KIF17: variants seen among roughly 807,000 people sequenced by gnomAD.
KIF17 encodes the protein kinesin-like protein KIF17.
KIF17 carries 80 observed loss-of-function variants against 96.8 expected under a neutral mutation model. The ratio of observed to expected loss-of-function variants is 0.83; its 90% CI spans 0.69 to 1.00. The LOEUF is 1.00. Among genes scored for constraint, KIF17 ranks in the 50% least tolerant of loss-of-function variants. The pLI is 0.00. For missense variants in KIF17, 1,280 were observed against 1,372.9 expected (o/e 0.93, Z 1.07); for synonymous variants, 567 against 587.5 (o/e 0.97, Z 0.51).
At position 20,687,095 on chromosome 1, in the gene KIF17, G is replaced by A. The variant is rs1189382175; in HGVS notation, c.1938+293C>T. Among the ~76,000 whole-genome samples, 2 of 152,200 alleles carry A rather than the reference G, an allele frequency of 1.3e-5. No homozygotes were observed. The highest frequency in any genetic ancestry group is 2.9e-5 in the Non-Finnish European group (2 of 68,042). Reference sequence around the variant, plus strand: ...ACCATGGCAACTGGGCAAACGCCCTGTACAGCTGTCCCTCCATCTGCAGAA... The same window carrying A: ...ACCATGGCAACTGGGCAAACGCCCTATACAGCTGTCCCTCCATCTGCAGAA... On this transcript the variant is annotated intron_variant, in intron 8 of 14. Coordinates refer to ENST00000400463, the MANE Select transcript of KIF17 (RefSeq NM_001122819.3). The surrounding 1 kb of genome is among the most constrained non-coding windows in gnomAD (Gnocchi z 4.4).
At chr1:20,689,221 G>A (rs575410380) in intron 7 of KIF17, among the ~76,000 whole-genome samples, 5 of 152,120 alleles carry the variant, frequency 3.3e-5, no homozygotes, top group East Asian at 3.9e-4. Flanking sequence ...CGGTACCGAC[G>A]GTGCGATCAG....
chr1:20,687,163 T>C lies in KIF17; in HGVS notation c.1938+225A>G, dbSNP rs1017961532. ...TAACCTTGCATCGCGACCCCAACTT[T>C]CTTATTGAATTACAGAGCATGAGAC... is the stretch of plus-strand genomic sequence containing the variant. On this transcript the variant is annotated intron_variant, in intron 8 of 14. Transcript: ENST00000400463. The surrounding 1 kb of genome is among the most constrained non-coding windows in gnomAD (Gnocchi z 4.4). Among the ~76,000 whole-genome samples, 1 of 152,134 alleles carries C rather than the reference T, an allele frequency of 6.6e-6. No homozygotes were observed. The highest frequency in any genetic ancestry group is 2.4e-5 in the African/African-American group (1 of 41,438).
At chr1:20,686,498 A>C (rs111235484) in intron 8 of KIF17, 19 of 232,526 alleles carry the variant, frequency 8.2e-5, no homozygotes, top group South Asian at 5.7e-4. Flanking sequence ...CACACACACA[A>C]AATACACACA....
chr1:20,664,257 C>T lies in KIF17; in HGVS notation c.*327G>A. 2 of 1,079,688 alleles carry T rather than the reference C, an allele frequency of 1.9e-6. No homozygotes were observed. The highest frequency in any genetic ancestry group is 2.4e-6 in the Non-Finnish European group (2 of 824,790). The allele number at this position is 1,079,688 out of a possible 1,614,324, so 66.9% of individuals were successfully genotyped here. ...ATCAGGGCTGGTGAAGGCCGTGAAG[C>T]AGGTCTCAGGCTTTGAGGCAAAGAC... On this transcript the variant is annotated 3_prime_UTR_variant, in exon 15 of 15. Transcript: ENST00000400463.
At chr1:20,691,999 C>T (rs1456497250) in intron 6 of KIF17, among the ~76,000 whole-genome samples, 1 of 152,240 alleles carries the variant, frequency 6.6e-6, no homozygotes, top group East Asian at 1.9e-4. Context: ...TCTGTTCTCA[C>T]TCTGGCCCCA....
chr1:20,690,352 G>GGGGGGA lies in KIF17; in HGVS notation c.1234-18_1234-17insTCCCCC. On this transcript the variant is annotated splice_polypyrimidine_tract_variant and intron_variant, in intron 6 of 14. Transcript: ENST00000400463. ...TTCATACTCCTGGGGGGGTGGGAGG[G>GGGGGGA]ACCAGAGGGCAGGCAGCATTTTATC... is the stretch of plus-strand genomic sequence containing the variant. 6.6e-6 allele frequency: 3 copies of GGGGGGA among 451,174 alleles called. No homozygotes were observed. Among genetic ancestry groups the GGGGGGA allele is most frequent in the Non-Finnish European group, 1.3e-5 (3 of 235,152 alleles). The allele number at this position is 451,174 out of a possible 1,614,324, so 27.9% of individuals were successfully genotyped here.
At chr1:20,716,334 G>A (rs1460777836) in intron 1 of KIF17, among the ~76,000 whole-genome samples, 2 of 152,194 alleles carry the variant, frequency 1.3e-5, no homozygotes, top group Non-Finnish European at 2.9e-5. Flanking sequence ...TTTCGTGCAT[G>A]GGCACAGGAA....
chr1:20,701,435 A>G (rs1465139609), intron 5 of KIF17, among the ~76,000 whole-genome samples: 10 of 152,144 alleles, frequency 6.6e-5, no homozygotes, highest in Admixed American at 4.6e-4. Context: ...CGTCTCAAAA[A>G]AAAAGACACA....
At position 20,715,643 on chromosome 1, in the gene KIF17, C is replaced by T. The variant is rs750867891; in HGVS notation, c.232-4G>A. The T allele has an allele frequency of 6.2e-7, 1 of 1,613,824 alleles. No individual in the cohort carries two copies. On this transcript the variant is annotated splice_region_variant and splice_polypyrimidine_tract_variant and intron_variant, in intron 1 of 14. Coordinates refer to ENST00000400463, the MANE Select transcript of KIF17 (RefSeq NM_001122819.3). ...CATTGTAGCCCTCAGTGACGCCCTG[C>T]ATGGGAGGAAGGCAGGACCCCGTGC...
chr1:20,682,146 C>T (rs1242874117), intron 11 of KIF17, among the ~76,000 whole-genome samples: 3 of 151,836 alleles, frequency 2.0e-5, no homozygotes, highest in African/African-American at 7.3e-5. Context: ...CATGCACACA[C>T]ATACAACATA....
In KIF17 at chr1:20,684,878, A is replaced by T; in HGVS notation, c.2162T>A (p.Val721Glu). Reference sequence around the variant, plus strand: ...AGTCAGCACTGCCACCTCCATGCCCACGCTCTCCCTCTTCACACCAGCTGT... The same window carrying T: ...AGTCAGCACTGCCACCTCCATGCCCTCGCTCTCCCTCTTCACACCAGCTGT... ...PATAGVKRESVGMEVAVLTDD... is the reference protein window; with the variant it reads ...PATAGVKRESEGMEVAVLTDD... The change falls in exon 10 of 15, where the codon GTG becomes GAG. Residue 721 changes from valine to glutamate, a missense_variant. Coordinates refer to ENST00000400463, the MANE Select transcript of KIF17 (RefSeq NM_001122819.3). 3.1e-6 allele frequency: 5 copies of T among 1,598,304 alleles called. No individual in the cohort carries two copies. Among genetic ancestry groups the T allele is most frequent in the Non-Finnish European group, 4.3e-6 (5 of 1,172,634 alleles).
chr1:20,683,920 C>T (rs978823401), intron 10 of KIF17, among the ~76,000 whole-genome samples: 2 of 151,596 alleles, frequency 1.3e-5, no homozygotes, highest in Non-Finnish European at 2.9e-5. Context: ...TGAAGGCCCC[C>T]CAGCCTTCCC....
chr1:20,668,932 T>TA (rs1421570514), intron 13 of KIF17, among the ~76,000 whole-genome samples: 4 of 152,150 alleles, frequency 2.6e-5, no homozygotes, highest in Non-Finnish European at 4.4e-5. Flanking sequence ...ACAAAACTCT[T>TA]AGAGTTTCTC....
In KIF17 at chr1:20,685,108, C is replaced by T; in HGVS notation, c.2020-88G>A. On this transcript the variant is annotated intron_variant, in intron 9 of 14. Coordinates refer to ENST00000400463, the MANE Select transcript of KIF17 (RefSeq NM_001122819.3). The surrounding 1 kb of genome is among the most constrained non-coding windows in gnomAD (Gnocchi z 4.1). ...CCAGGTGGCTCAATCCCAGACGGGG[C>T]CATTCCGCCTGCTGCAGCCCCGACA... 1 of 1,015,456 alleles carries T rather than the reference C, an allele frequency of 9.8e-7. No homozygotes were observed. Among genetic ancestry groups the T allele is most frequent in the East Asian group, 2.6e-5 (1 of 38,354 alleles). The allele number at this position is 1,015,456 out of a possible 1,614,324, so 62.9% of individuals were successfully genotyped here.
At chr1:20,712,834 TA>T (rs2054489318) in intron 3 of KIF17, among the ~76,000 whole-genome samples, 1 of 75,518 alleles carries the variant, frequency 1.3e-5, no homozygotes, top group Non-Finnish European at 2.6e-5. Flanking sequence ...ATATTATCTA[TA>T]TTATAGATAT....
chr1:20,696,998 T>A (rs894677663), intron 6 of KIF17, among the ~76,000 whole-genome samples: 1 of 152,140 alleles, frequency 6.6e-6, no homozygotes, highest in Non-Finnish European at 1.5e-5. Flanking sequence ...CGGCGTTCAC[T>A]GGGGGCACCA....
chr1:20,717,380 C>G, intron 1 of KIF17, 96 bp downstream of exon 1: 1 of 1,443,222 alleles, frequency 6.9e-7, no homozygotes, highest in Non-Finnish European at 9.5e-7. Flanking sequence ...CCTCGAGGGC[C>G]TTTCCTCCTG....
chr1:20,714,901 G>T (rs1167122084), intron 2 of KIF17, among the ~76,000 whole-genome samples: 1 of 152,068 alleles, frequency 6.6e-6, no homozygotes, highest in Non-Finnish European at 1.5e-5. Context: ...ATGTTGCTGT[G>T]GCCACCATGA....
At chr1:20,683,698 C>T (rs1291673578) in intron 10 of KIF17, among the ~76,000 whole-genome samples, 1 of 152,116 alleles carries the variant, frequency 6.6e-6, no homozygotes, top group African/African-American at 2.4e-5. Context: ...GGGTCTCCAT[C>T]AGGATGGAGC....
Sources: allele counts gnomAD v4.1 joint callset (sites outside exome capture counted in the v4.1 genomes callset), GRCh38; gene constraint gnomAD v4.1.1; non-coding constraint Gnocchi (gnomAD v3.1); transcripts MANE v1.5; gene names NCBI Gene and HGNC (gene_info 2026-07-23, HGNC 2026-07-21).